FRAS1: variants seen among roughly 807,000 people sequenced by gnomAD.
FRAS1 encodes extracellular matrix organizing protein FRAS1.
A neutral mutation model predicts 435.2 loss-of-function variants in FRAS1; 290 were observed. That is an observed-to-expected ratio of 0.67 (90% CI 0.61 to 0.73). FRAS1 has a LOEUF of 0.73. FRAS1 is among the 30% of genes least tolerant of loss of function. FRAS1 has a pLI of 0.00. For synonymous variants in FRAS1, 1,800 were observed against 1,851.0 expected (o/e 0.97, Z 0.71); for missense variants, 4,860 against 5,001.5 (o/e 0.97, Z 0.85).
chr4:78,250,222 T>G (rs1040697976), intron 4 of FRAS1, among the ~76,000 whole-genome samples: 1 of 152,170 alleles, frequency 6.6e-6, no homozygotes, highest in Admixed American at 6.6e-5. Flanking sequence ...GTAATCCGAA[T>G]ACTCTGAAAA....
In FRAS1 at chr4:78,057,335, G is replaced by T. The variant is rs1739508582; in HGVS notation, c.-675G>T. On this transcript the variant is annotated 5_prime_UTR_variant, in exon 1 of 74. Coordinates refer to ENST00000512123, the MANE Select transcript of FRAS1 (RefSeq NM_025074.7). This position sits in a 1 kb window ranked among gnomAD's most constrained non-coding sequence, Gnocchi z 4.2. ...AGCGCCCCCCAGTCTTTCCTCTGAA[G>T]CTTCCGAACAGTCTGCTTCAGGGAG... is the stretch of plus-strand genomic sequence containing the variant. Among the ~76,000 whole-genome samples, 1 of 152,192 alleles carries T rather than the reference G, an allele frequency of 6.6e-6. No homozygotes were observed. The highest frequency in any genetic ancestry group is 2.4e-5 in the African/African-American group (1 of 41,460).
In FRAS1 at chr4:78,543,278, C is replaced by T. The variant is rs3811747; in HGVS notation, c.*2154C>T. ...AGTGAATGCTAATTTGTAGAGCGAA[C>T]TTCCATTTGGCCCATTATTTGTAAC... On this transcript the variant is annotated 3_prime_UTR_variant, in exon 74 of 74. Transcript: ENST00000512123. 97,980 of 152,120 alleles carry T rather than the reference C, an allele frequency of 0.64. 31,709 individuals carry two copies. Among genetic ancestry groups the T allele is most frequent in the East Asian group, 0.83 (4,308 of 5,178 alleles). The allele number at this position is 152,120 out of a possible 1,614,324, so 9.4% of individuals were successfully genotyped here. A position where few individuals can be genotyped will look rare whatever the true frequency, so the allele number is the denominator to read the frequency against.
intron 2 of FRAS1, among the ~76,000 whole-genome samples, chr4:78,195,906 A>G (rs1375101056): frequency 1.3e-5 from 2 of 150,426 alleles, no homozygotes; most frequent in East Asian, 1.9e-4. Flanking sequence ...CTATTCGGCC[A>G]TCTTGGCTCC....
At position 78,375,852 on chromosome 4, in the gene FRAS1, G is replaced by A. The variant is rs773318858; in HGVS notation, c.3265G>A (p.Val1089Ile). Reference protein sequence around the residue: ...CVYNCVPGFSVHTSNETCSGK... With the variant: ...CVYNCVPGFSIHTSNETCSGK... ...TTACAACTGTGTTCCTGGCTTTTCT[G>A]TCCACACCTCTAATGAAACATGTTC... Residue 1089 changes from valine (V) to isoleucine (I), a missense_variant, in exon 26 of 74, where the codon GTC (valine) becomes ATC (isoleucine). By Grantham distance (29) the Val-to-Ile change is conservative. Transcript: ENST00000512123. The A allele has an allele frequency of 3.1e-6, 5 of 1,613,648 alleles. No individual in the cohort carries two copies. In the Admixed American group the frequency reaches 6.7e-5, roughly 22 times the overall value.
At chr4:78,501,264 G>T (rs912319091) in intron 61 of FRAS1, among the ~76,000 whole-genome samples, 3 of 152,138 alleles carry the variant, frequency 2.0e-5, no homozygotes, top group African/African-American at 7.2e-5. Flanking sequence ...ATGGTTTCCA[G>T]CTTCATCCAT....
At chr4:78,325,990 G>T (rs1729702644) in intron 18 of FRAS1, among the ~76,000 whole-genome samples, 1 of 152,202 alleles carries the variant, frequency 6.6e-6, no homozygotes, top group Admixed American at 6.5e-5. Flanking sequence ...CCAAAGAGGA[G>T]AATTGTGCAG....
chr4:78,382,060 CT>C (rs1732044181), intron 27 of FRAS1, among the ~76,000 whole-genome samples: 1 of 152,158 alleles, frequency 6.6e-6, no homozygotes, highest in Admixed American at 6.5e-5. Context: ...GACCGTGATT[CT>C]TTAGGATTGG....
At chr4:78,128,776 A>G (rs1044461440) in intron 2 of FRAS1, among the ~76,000 whole-genome samples, 2 of 152,050 alleles carry the variant, frequency 1.3e-5, no homozygotes, top group African/African-American at 2.4e-5. Flanking sequence ...CCATTTGTCA[A>G]TTTTGGCTTT....
rs68087695 is a variant in FRAS1, at chr4:78,140,771, G to A, written c.108+74755G>A. Reference sequence around the variant, plus strand: ...TATACGTGTGTGTATATGTATATACGTGTGTGTATATATATCTCATGTATA... The same window carrying A: ...TATACGTGTGTGTATATGTATATACATGTGTGTATATATATCTCATGTATA... On this transcript the variant is annotated intron_variant, in intron 2 of 73. Coordinates refer to ENST00000512123, the MANE Select transcript of FRAS1 (RefSeq NM_025074.7). Among the ~76,000 whole-genome samples the A allele has an allele frequency of 1.7e-3, 240 of 144,700 alleles. 4 individuals carry two copies. The highest frequency in any genetic ancestry group is 5.8e-3 in the African/African-American group (212 of 36,390). 94.9% of individuals were successfully genotyped at this position (144,700 alleles called of 152,430 possible).
At chr4:78,257,950 G>A (rs1255099240) in intron 6 of FRAS1, among the ~76,000 whole-genome samples, 1 of 152,160 alleles carries the variant, frequency 6.6e-6, no homozygotes, top group Non-Finnish European at 1.5e-5. Flanking sequence ...TGTTCAGTCT[G>A]ATGAGAGTTC....
chr4:78,522,283 C>A (rs965925550), intron 68 of FRAS1, among the ~76,000 whole-genome samples: 1 of 152,122 alleles, frequency 6.6e-6, no homozygotes, highest in African/African-American at 2.4e-5. Flanking sequence ...ACTACTGAGA[C>A]CTTTCTACCT....
At chr4:78,335,553 C>A (rs1456912719) in intron 19 of FRAS1, among the ~76,000 whole-genome samples, 1 of 152,190 alleles carries the variant, frequency 6.6e-6, no homozygotes, top group Non-Finnish European at 1.5e-5. Flanking sequence ...CAGAATACAC[C>A]TCTCAGTGGA....
chr4:78,486,521 T>A (rs773845512), intron 58 of FRAS1, among the ~76,000 whole-genome samples: 5 of 152,102 alleles, frequency 3.3e-5, no homozygotes, highest in Admixed American at 2.0e-4. Flanking sequence ...AGCCCATCAG[T>A]GTGGAAAAAG....
intron 2 of FRAS1, among the ~76,000 whole-genome samples, chr4:78,076,794 G>C (rs1740660631): frequency 6.6e-6 from 1 of 152,072 alleles, no homozygotes; most frequent in Non-Finnish European, 1.5e-5. Context: ...GGAAAAAGAG[G>C]GAAACTCATG....
At chr4:78,417,872 G>A (rs1733614075) in intron 32 of FRAS1, among the ~76,000 whole-genome samples, 1 of 152,216 alleles carries the variant, frequency 6.6e-6, no homozygotes, top group Admixed American at 6.5e-5. Flanking sequence ...ACCTTCAGGG[G>A]TCAGTTAGGA....
chr4:78,218,134 A>ACACACACACACAC (rs1471926143), intron 2 of FRAS1, among the ~76,000 whole-genome samples: 32 of 126,804 alleles, frequency 2.5e-4, no homozygotes, highest in South Asian at 5.8e-4. Context: ...ACACACACAC[A>ACACACACACACAC]AGTTGTATTT....
At chr4:78,397,409 A>G (rs1000742428) in intron 29 of FRAS1, among the ~76,000 whole-genome samples, 15 of 152,110 alleles carry the variant, frequency 9.9e-5, no homozygotes, top group African/African-American at 3.6e-4. Flanking sequence ...CTTCTACCCA[A>G]TTCAGCAGAG....
intron 2 of FRAS1, among the ~76,000 whole-genome samples, chr4:78,129,549 T>C (rs115283641): frequency 0.014 from 1,889 of 135,944 alleles, 29 homozygotes; most frequent in South Asian, 0.06. Flanking sequence ...AACAGGGTAG[T>C]GGCCATGGCC....
chr4:78,511,038 A>T (rs891271332), intron 63 of FRAS1, among the ~76,000 whole-genome samples: 18 of 152,212 alleles, frequency 1.2e-4, no homozygotes, highest in African/African-American at 4.3e-4. Flanking sequence ...TGTGCTCCAC[A>T]TCTGTCTACT....
Sources: allele counts gnomAD v4.1 joint callset (sites outside exome capture counted in the v4.1 genomes callset), GRCh38; gene constraint gnomAD v4.1.1; non-coding constraint Gnocchi (gnomAD v3.1); transcripts MANE v1.5; gene names NCBI Gene and HGNC (gene_info 2026-07-23, HGNC 2026-07-21).